Variants in WDPCP observed in about 807,000 individuals in gnomAD.
The protein encoded by WDPCP is WD repeat containing planar cell polarity effector, also known as WD repeat-containing and planar cell polarity effector protein fritz homolog.
A neutral mutation model predicts 93.1 loss-of-function variants in WDPCP; 71 were observed. That is an observed-to-expected ratio of 0.76 (90% CI 0.63 to 0.93). The LOEUF is 0.93. WDPCP is among the 40% of genes least tolerant of loss of function. The pLI, the probability that WDPCP is intolerant of heterozygous loss-of-function variation, is 0.00. For synonymous variants in WDPCP, 315 were observed against 315.0 expected (o/e 1.00, Z 0.00); for missense variants, 844 against 887.4 (o/e 0.95, Z 0.62).
intron 2 of WDPCP, among the ~76,000 whole-genome samples, chr2:63,695,759 C>T (rs6747307): frequency 0.61 from 92,153 of 152,004 alleles, 29,218 homozygotes; most frequent in African/African-American, 0.76. Context: ...TTATCCACCC[C>T]CTAGAAGCCT....
intron 2 of WDPCP, among the ~76,000 whole-genome samples, chr2:63,734,118 A>G (rs1335626516): frequency 6.6e-6 from 1 of 152,198 alleles, no homozygotes; most frequent in Non-Finnish European, 1.5e-5. Flanking sequence ...ATTGTTAGAT[A>G]AACTACATTT....
intron 2 of WDPCP, chr2:63,752,503 G>T: frequency 1.3e-6 from 1 of 757,096 alleles, no homozygotes; most frequent in Non-Finnish European, 2.4e-6. Flanking sequence ...GATCTCTCAT[G>T]ACCACACAGC....
intron 2 of WDPCP, among the ~76,000 whole-genome samples, chr2:63,740,508 A>G (rs137960901): frequency 0.016 from 2,496 of 152,270 alleles, 22 homozygotes; most frequent in African/African-American, 0.016. Context: ...CTTCGCAACC[A>G]ATTTGTAAAT....
At chr2:63,744,176 T>C (rs762269042) in intron 2 of WDPCP, among the ~76,000 whole-genome samples, 1 of 152,090 alleles carries the variant, frequency 6.6e-6, no homozygotes, top group South Asian at 2.1e-4. Flanking sequence ...TTTAGCTGCA[T>C]TGCACTTTTT....
intron 3 of WDPCP, among the ~76,000 whole-genome samples, chr2:63,618,991 G>T (rs960869227): frequency 6.6e-6 from 1 of 152,130 alleles, no homozygotes; most frequent in Non-Finnish European, 1.5e-5. Context: ...GTCCAGCCTG[G>T]ATAATCATTT....
chr2:63,304,594 C>T (rs1244576509), intron 13 of WDPCP, among the ~76,000 whole-genome samples: 2 of 152,168 alleles, frequency 1.3e-5, no homozygotes, highest in Admixed American at 6.5e-5. Flanking sequence ...CCATGGTTTT[C>T]GCAACTTGCA....
At chr2:63,618,350 G>A (rs262494) in intron 3 of WDPCP, among the ~76,000 whole-genome samples, 123,143 of 152,176 alleles carry the variant, frequency 0.81, 50,191 homozygotes, top group East Asian at 0.98. Context: ...AAGTACAATC[G>A]GCAACTAAGG....
intron 2 of WDPCP, among the ~76,000 whole-genome samples, chr2:63,705,974 G>T (rs28838707): frequency 8.5e-5 from 13 of 152,124 alleles, no homozygotes; most frequent in South Asian, 6.3e-4. Flanking sequence ...TATGAATCTG[G>T]GTGCCCCTGT....
chr2:63,588,785 G>A (rs1709066259), upstream of WDPCP: 1 of 527,482 alleles, frequency 1.9e-6, no homozygotes, highest in Non-Finnish European at 3.4e-6. Context: ...CTTTGCAATC[G>A]GCGCAGAGCG....
At chr2:63,474,067 A>G (rs1331016207) in intron 6 of WDPCP, among the ~76,000 whole-genome samples, 3 of 152,130 alleles carry the variant, frequency 2.0e-5, no homozygotes, top group Non-Finnish European at 4.4e-5. Context: ...TATTTGTTCT[A>G]TGAGAAATGA....
chr2:63,529,123 AG>A (rs1351738669), intron 1 of WDPCP, among the ~76,000 whole-genome samples: 1 of 152,142 alleles, frequency 6.6e-6, no homozygotes, highest in African/African-American at 2.4e-5. Flanking sequence ...GGCTGAGACG[AG>A]GGGGTTTTCT....
chr2:63,760,606 G>A (rs1376944773), intron 2 of WDPCP, among the ~76,000 whole-genome samples: 1 of 151,888 alleles, frequency 6.6e-6, no homozygotes, highest in African/African-American at 2.4e-5. Flanking sequence ...GGGTAGAACT[G>A]ACCTGGGACC....
At chr2:63,597,263 C>A (rs1709331786) in intron 3 of WDPCP, 3 of 1,236,148 alleles carry the variant, frequency 2.4e-6, no homozygotes, top group Non-Finnish European at 3.1e-6. Flanking sequence ...CTTTCTCAGG[C>A]TCCTGAAATG....
chr2:63,559,384 A>G (rs1169049701), intron 1 of WDPCP, among the ~76,000 whole-genome samples: 1 of 152,180 alleles, frequency 6.6e-6, no homozygotes, highest in Non-Finnish European at 1.5e-5. Flanking sequence ...GCCCTCTCTC[A>G]CCACTCCTAT....
rs758234804 is a variant in WDPCP at position 63,259,346 on chromosome 2, C to A, written c.1876G>T (p.Ala626Ser). The A allele has an allele frequency of 6.2e-7, 1 of 1,612,806 alleles. No individual in the cohort carries two copies. The highest frequency in any genetic ancestry group is 1.1e-5 in the South Asian group (1 of 91,060). Residue 626 changes from alanine to serine, a missense_variant, in exon 14 of 18, where the codon GCT becomes TCT. Transcript: ENST00000272321. ...ATTGATTCTGCATCAATGTCACTAGCTCTTTTTCTTGCCACTTCAGCTAGT... is the reference window on the plus strand; with the variant it reads ...ATTGATTCTGCATCAATGTCACTAGATCTTTTTCTTGCCACTTCAGCTAGT... ...LALAEVARKR[A>S]SDIDAESITS... is the part of the protein sequence containing the mutation.
At chr2:63,502,269 A>G (rs973165207) in intron 1 of WDPCP, among the ~76,000 whole-genome samples, 5 of 152,252 alleles carry the variant, frequency 3.3e-5, no homozygotes, top group Admixed American at 2.0e-4. Flanking sequence ...AATATGTTCA[A>G]TTGAATAGTG....
At chr2:63,239,007 G>A (rs544393010) in intron 14 of WDPCP, among the ~76,000 whole-genome samples, 44 of 152,228 alleles carry the variant, frequency 2.9e-4, no homozygotes, top group Non-Finnish European at 5.6e-4. Context: ...GTTGGGAAGA[G>A]ATGCACATAA....
chr2:63,548,031 T>C (rs558615856), intron 1 of WDPCP, among the ~76,000 whole-genome samples: 2 of 152,176 alleles, frequency 1.3e-5, no homozygotes, highest in Middle Eastern at 3.5e-3. Context: ...TATCACATAC[T>C]CTGAAAATAT....
At chr2:63,607,830 A>G (rs1264231628) in intron 3 of WDPCP, among the ~76,000 whole-genome samples, 1 of 151,084 alleles carries the variant, frequency 6.6e-6, no homozygotes, top group African/African-American at 2.4e-5. Context: ...CCGTCTCAAA[A>G]AAAAAAAAAA....
Sources: gnomAD v4.1 joint callset for allele counts (sites outside exome capture counted in the v4.1 genomes callset) on GRCh38, gnomAD v4.1.1 for gene constraint, MANE v1.5 for transcripts, NCBI Gene and HGNC (gene_info 2026-07-23, HGNC 2026-07-21) for gene names.